The following RSU1 variants were observed in gnomAD, a reference collection of about 807,000 sequenced individuals.
RSU1 encodes the protein Ras suppressor protein 1, also known as rsu-1.
Under a neutral mutation model 31.1 loss-of-function variants are expected in RSU1, and 26 were observed. That is an observed-to-expected ratio of 0.84 (90% CI 0.61 to 1.16). The LOEUF (loss-of-function observed/expected upper bound fraction) is 1.16. RSU1 is among the 50% of genes most tolerant of loss of function. The pLI is 0.00. For synonymous variants in RSU1, 164 were observed against 136.3 expected (o/e 1.20, Z -1.41); for missense variants, 320 against 339.1 (o/e 0.94, Z 0.44).
At chr10:16,738,287 A>G (rs1280501227) in intron 7 of RSU1, among the ~76,000 whole-genome samples, 5 of 152,088 alleles carry the variant, frequency 3.3e-5, no homozygotes, top group Non-Finnish European at 1.5e-5. Flanking sequence ...TCTACTAAAA[A>G]AAAAATACAA....
intron 8 of RSU1, among the ~76,000 whole-genome samples, chr10:16,596,745 T>A (rs140065495): frequency 2.0e-5 from 3 of 152,318 alleles, no homozygotes; most frequent in African/African-American, 7.2e-5. Flanking sequence ...TTTTTTCAGA[T>A]GGAGTCTTGC....
intron 8 of RSU1, among the ~76,000 whole-genome samples, chr10:16,670,085 G>A (rs1387649686): frequency 2.0e-5 from 3 of 152,144 alleles, no homozygotes; most frequent in South Asian, 4.1e-4. Flanking sequence ...TTCTACTCAG[G>A]CCCATGTAGT....
intron 2 of RSU1, 149 bp downstream of exon 2, chr10:16,816,824 C>G (rs1291402388): frequency 6.5e-6 from 4 of 616,634 alleles, no homozygotes. Flanking sequence ...TACTGCAAAC[C>G]CTCTGCGCGA....
At chr10:16,646,473 G>T (rs190886805) in intron 8 of RSU1, among the ~76,000 whole-genome samples, 2 of 152,010 alleles carry the variant, frequency 1.3e-5, no homozygotes, top group Non-Finnish European at 2.9e-5. Context: ...CTTTTGCCCC[G>T]ATCAAGTCCC....
At chr10:16,758,107 G>C (rs956252567) in intron 4 of RSU1, among the ~76,000 whole-genome samples, 2 of 152,178 alleles carry the variant, frequency 1.3e-5, no homozygotes, top group Non-Finnish European at 2.9e-5. Flanking sequence ...ACACAGCAGA[G>C]TCCCATGTGC....
At chr10:16,669,373 T>C (rs7092141) in intron 8 of RSU1, among the ~76,000 whole-genome samples, 44,262 of 150,390 alleles carry the variant, frequency 0.29, 6,695 homozygotes, top group African/African-American at 0.37. Context: ...CTGTTTTTTT[T>C]CCCCCCCCAA....
At chr10:16,659,301 C>CTT (rs869035739) in intron 8 of RSU1, among the ~76,000 whole-genome samples, 17 of 100,788 alleles carry the variant, frequency 1.7e-4, no homozygotes, top group Middle Eastern at 0.019. Context: ...AGGTTATATT[C>CTT]TTTTTTTTTT....
chr10:16,759,924 T>C (rs550682256), intron 4 of RSU1, among the ~76,000 whole-genome samples: 15 of 152,198 alleles, frequency 9.9e-5, no homozygotes, highest in Non-Finnish European at 2.1e-4. Flanking sequence ...TGTGATCTCC[T>C]GTGTGTATGC....
Position 16,591,490 on chromosome 10 carries a change from C to T in RSU1, c.*1904G>A, listed in dbSNP as rs912403557. On this transcript the variant is annotated 3_prime_UTR_variant, in exon 9 of 9. Transcript: ENST00000345264. ...CTTTCTGGAGCGAAATTTATATTCC[C>T]AGTAGCCATGTGAAAGAATGTTTAT... 6.6e-6 allele frequency: 1 copy of T among 152,178 alleles called. No individual in the cohort carries two copies. The highest frequency in any genetic ancestry group is 1.5e-5 in the Non-Finnish European group (1 of 68,030). 9.4% of individuals were successfully genotyped at this position (152,178 alleles called of 1,614,324 possible). A position where few individuals can be genotyped will look rare whatever the true frequency, so the allele number is the denominator to read the frequency against.
intron 7 of RSU1, among the ~76,000 whole-genome samples, chr10:16,699,892 T>C (rs575241015): frequency 2.0e-5 from 3 of 152,366 alleles, no homozygotes; most frequent in Non-Finnish European, 2.9e-5. Flanking sequence ...TTTTCCATTT[T>C]ATTACCTGCA....
At chr10:16,764,654 T>C in intron 3 of RSU1, 144 bp from the exon 4 acceptor site, 1 of 828,460 alleles carries the variant, frequency 1.2e-6, no homozygotes, top group Non-Finnish European at 1.8e-6. Context: ...TCTTATTTAT[T>C]TTTTACAGGT....
In RSU1 at chr10:16,683,336, A is replaced by G. The variant is rs891429522; in HGVS notation, c.731+11687T>C. Among the ~76,000 whole-genome samples the G allele has an allele frequency of 3.0e-4, 45 of 152,188 alleles. 1 individual carries two copies. Among genetic ancestry groups the G allele is most frequent in the Admixed American group, 2.6e-4 (4 of 15,270 alleles). On this transcript the variant is annotated intron_variant, in intron 8 of 8. Coordinates refer to ENST00000345264, the MANE Select transcript of RSU1 (RefSeq NM_012425.4). Reference sequence around the variant, plus strand: ...AAACAACTCAATGCCGTTTCTGGGCATTTGAGTAACAATAAATATTTCATT... The same window carrying G: ...AAACAACTCAATGCCGTTTCTGGGCGTTTGAGTAACAATAAATATTTCATT...
intron 2 of RSU1, among the ~76,000 whole-genome samples, chr10:16,806,570 T>C (rs1838271665): frequency 1.3e-5 from 2 of 152,156 alleles, no homozygotes; most frequent in African/African-American, 2.4e-5. Flanking sequence ...ATGCCTGGTA[T>C]GTGGTAAATG....
chr10:16,703,990 G>GC (rs57969454), intron 7 of RSU1, among the ~76,000 whole-genome samples: 48,443 of 152,028 alleles, frequency 0.32, 8,759 homozygotes, highest in Middle Eastern at 0.44. Context: ...CTTGGGTGAA[G>GC]CCCTAGTGTT....
intron 2 of RSU1, among the ~76,000 whole-genome samples, chr10:16,811,429 ACCC>A (rs1391817476): frequency 6.6e-6 from 1 of 152,150 alleles, no homozygotes; most frequent in African/African-American, 2.4e-5. Context: ...ATTCACAATG[ACCC>A]TATGAGGTGC....
chr10:16,710,002 C>G (rs536873104), intron 7 of RSU1, among the ~76,000 whole-genome samples: 1 of 152,270 alleles, frequency 6.6e-6, no homozygotes, highest in South Asian at 2.1e-4. Context: ...AATTTGGATG[C>G]CTTTTATATC....
intron 8 of RSU1, among the ~76,000 whole-genome samples, chr10:16,673,698 C>G (rs1588707164): frequency 6.6e-6 from 1 of 152,210 alleles, no homozygotes; most frequent in South Asian, 2.1e-4. Context: ...GCACAGCCTC[C>G]TGCAGCACAC....
intron 8 of RSU1, among the ~76,000 whole-genome samples, chr10:16,645,928 ACACATATGTG>A (rs1426368944): frequency 0.33 from 8,809 of 26,746 alleles, 2,186 homozygotes; most frequent in South Asian, 0.44. Context: ...ATGTGTATAT[ACACATATGTG>A]TATATATATG....
intron 8 of RSU1, among the ~76,000 whole-genome samples, chr10:16,678,104 C>T (rs192207698): frequency 2.0e-5 from 3 of 152,248 alleles, no homozygotes; most frequent in Admixed American, 2.0e-4. Flanking sequence ...ACCCTCATGC[C>T]CTTTCAAAAA....
Sources: gnomAD v4.1 joint callset for allele counts (sites outside exome capture counted in the v4.1 genomes callset) on GRCh38, gnomAD v4.1.1 for gene constraint, MANE v1.5 for transcripts, NCBI Gene and HGNC (gene_info 2026-07-23, HGNC 2026-07-21) for gene names.